The following COL19A1 variants were observed in gnomAD, a reference collection of about 807,000 sequenced individuals.
The protein encoded by COL19A1 is collagen type XIX alpha 1 chain, also known as collagen alpha-1(XIX) chain.
Under a neutral mutation model 190.2 loss-of-function variants are expected in COL19A1, and 159 were observed. That is an observed-to-expected ratio of 0.84 (90% CI 0.73 to 0.95). The LOEUF is 0.95. COL19A1 is among the 40% of genes least tolerant of loss of function. The probability of loss-of-function intolerance (pLI) is 0.00; values close to 1 mark genes in which losing one functional copy is unlikely to be tolerated. For synonymous variants in COL19A1, 509 were observed against 458.9 expected, an observed-to-expected ratio of 1.11 and a Z score of -1.39; for missense variants, 1,418 against 1,431.9, an observed-to-expected ratio of 0.99 and a Z score of 0.16.
intron 2 of COL19A1, among the ~76,000 whole-genome samples, chr6:69,884,432 A>G (rs1470093737): frequency 6.6e-6 from 1 of 152,222 alleles, no homozygotes; most frequent in East Asian, 1.9e-4. Flanking sequence ...TAGCAATACA[A>G]TAGGAGGTCA....
intron 9 of COL19A1, among the ~76,000 whole-genome samples, chr6:69,947,031 C>T (rs1773863515): frequency 1.3e-5 from 2 of 151,780 alleles, no homozygotes; most frequent in Admixed American, 1.3e-4. Flanking sequence ...CTGTATGGCC[C>T]ACAAAATCTA....
At chr6:69,943,393 A>G (rs931149880) in intron 9 of COL19A1, among the ~76,000 whole-genome samples, 3 of 152,206 alleles carry the variant, frequency 2.0e-5, no homozygotes, top group African/African-American at 7.2e-5. Flanking sequence ...TTTGCTGTAC[A>G]AAAGCTTTTT....
chr6:69,947,847 A>G (rs899213009), intron 9 of COL19A1, among the ~76,000 whole-genome samples: 3 of 151,864 alleles, frequency 2.0e-5, no homozygotes, highest in African/African-American at 7.2e-5. Context: ...CTTTACTCCT[A>G]TAGGAATGTA....
intron 4 of COL19A1, among the ~76,000 whole-genome samples, chr6:69,905,896 C>G (rs1770518612): frequency 6.6e-6 from 1 of 152,132 alleles, no homozygotes; most frequent in African/African-American, 2.4e-5. Flanking sequence ...ACCTAGTTCT[C>G]TAGAATTATT....
At chr6:69,933,722 AAC>A (rs1582449092) in intron 7 of COL19A1, among the ~76,000 whole-genome samples, 1 of 152,212 alleles carries the variant, frequency 6.6e-6, no homozygotes, top group East Asian at 1.9e-4. Flanking sequence ...TACTAGGTGT[AAC>A]TATATTTGTT....
At chr6:69,896,266 G>A (rs1218861086) in intron 2 of COL19A1, among the ~76,000 whole-genome samples, 1 of 152,122 alleles carries the variant, frequency 6.6e-6, no homozygotes, top group African/African-American at 2.4e-5. Context: ...GGCCGGGCGC[G>A]GTGGCTCACG....
chr6:70,055,890 C>T (rs143242182), intron 14 of COL19A1, among the ~76,000 whole-genome samples: 3 of 148,920 alleles, frequency 2.0e-5, no homozygotes, highest in Non-Finnish European at 3.0e-5. Flanking sequence ...TCGTTTGTTT[C>T]GGTTTGTTTT....
chr6:69,921,380 A>T (rs1333795536), intron 4 of COL19A1, among the ~76,000 whole-genome samples: 1 of 110,680 alleles, frequency 9.0e-6, no homozygotes, highest in Non-Finnish European at 1.7e-5. Flanking sequence ...TATATATCAT[A>T]TATATCATAT....
chr6:70,142,394 C>T (rs1452513518), intron 22 of COL19A1, among the ~76,000 whole-genome samples: 1 of 152,160 alleles, frequency 6.6e-6, no homozygotes, highest in African/African-American at 2.4e-5. Flanking sequence ...ATTCAAGTTT[C>T]AGTTTCTAAA....
intron 8 of COL19A1, among the ~76,000 whole-genome samples, chr6:69,937,574 A>G (rs1212821302): frequency 6.6e-6 from 1 of 152,136 alleles, no homozygotes; most frequent in Non-Finnish European, 1.5e-5. Flanking sequence ...GGAAAGGAGA[A>G]CTTGCCCCAG....
At chr6:69,956,428 T>C (rs564195779) in intron 9 of COL19A1, among the ~76,000 whole-genome samples, 17 of 151,932 alleles carry the variant, frequency 1.1e-4, no homozygotes, top group African/African-American at 3.9e-4. Context: ...TAGAATGAAG[T>C]CCCAAAATAT....
intron 16 of COL19A1, among the ~76,000 whole-genome samples, chr6:70,117,438 A>G (rs530525679): frequency 6.6e-6 from 1 of 152,338 alleles, no homozygotes; most frequent in Non-Finnish European, 1.5e-5. Context: ...GTCCGGTGGC[A>G]GACATCATGG....
At position 69,909,993 on chromosome 6, in the gene COL19A1, G is replaced by A. The variant is rs111825594; in HGVS notation, c.266+9655G>A. Among the ~76,000 whole-genome samples, 403 of 152,164 alleles carry A rather than the reference G, an allele frequency of 2.6e-3. 4 individuals are homozygous for A. Among genetic ancestry groups the A allele is most frequent in the African/African-American group, 9.3e-3 (387 of 41,548 alleles). On this transcript the variant is annotated intron_variant, in intron 4 of 50. Coordinates refer to ENST00000620364, the MANE Select transcript of COL19A1 (RefSeq NM_001858.6). ...CAACTGATTCATGTTTGTGTCCCTCGTGGTACCTGACACACAGTGGTGTTT... is the reference window on the plus strand; with the variant it reads ...CAACTGATTCATGTTTGTGTCCCTCATGGTACCTGACACACAGTGGTGTTT...
At position 70,184,105 on chromosome 6, in the gene COL19A1, T is replaced by C. The variant is rs1266885669; in HGVS notation, c.2776-598T>C. Among the ~76,000 whole-genome samples the C allele has an allele frequency of 2.0e-5, 3 of 152,372 alleles. No individual in the cohort carries two copies. In the East Asian group the frequency reaches 5.8e-4, roughly 29 times the overall value. ...CTAATACTGTCAAAAACCATGATTA[T>C]ACATTTCTTGCTTTTCTTTCATATT... On this transcript the variant is annotated intron_variant, in intron 44 of 50. Coordinates refer to ENST00000620364, the MANE Select transcript of COL19A1 (RefSeq NM_001858.6).
chr6:70,151,571 G>A, intron 31 of COL19A1, 133 bp downstream of exon 31: 1 of 756,888 alleles, frequency 1.3e-6, no homozygotes, highest in Non-Finnish European at 2.2e-6. Flanking sequence ...ACATCTTTAA[G>A]ATAGGAAAAT....
At chr6:70,036,938 T>C (rs920132389) in intron 14 of COL19A1, among the ~76,000 whole-genome samples, 2 of 152,140 alleles carry the variant, frequency 1.3e-5, no homozygotes, top group African/African-American at 4.8e-5. Flanking sequence ...TAATAATGTC[T>C]TACACAAATA....
intron 4 of COL19A1, among the ~76,000 whole-genome samples, chr6:69,921,051 C>G (rs369829061): frequency 4.1e-5 from 1 of 24,122 alleles, no homozygotes; most frequent in Non-Finnish European, 1.1e-4. Flanking sequence ...TATTCATAGA[C>G]ATATCATATA....
At chr6:70,145,739 G>A (rs79616653) in intron 25 of COL19A1, among the ~76,000 whole-genome samples, 1 of 44,946 alleles carries the variant, frequency 2.2e-5, no homozygotes, top group Non-Finnish European at 4.4e-5. Flanking sequence ...TTTTTTTTTT[G>A]AGACAGGGTC....
intron 7 of COL19A1, among the ~76,000 whole-genome samples, chr6:69,934,153 C>A (rs1772956636): frequency 6.6e-6 from 1 of 151,900 alleles, no homozygotes; most frequent in Non-Finnish European, 1.5e-5. Context: ...CTAAGTCTTT[C>A]AAGTATTATA....
Sources: gnomAD v4.1 joint callset for allele counts (sites outside exome capture counted in the v4.1 genomes callset) on GRCh38, gnomAD v4.1.1 for gene constraint, MANE v1.5 for transcripts, NCBI Gene and HGNC (gene_info 2026-07-23, HGNC 2026-07-21) for gene names.